Variants in RUNX2 observed in about 807,000 individuals in gnomAD.
The protein encoded by RUNX2 is RUNX family transcription factor 2.
In RUNX2, 10 loss-of-function variants were observed where a neutral mutation model predicts 51.7. The ratio of observed to expected loss-of-function variants is 0.19; its 90% CI spans 0.12 to 0.33. The LOEUF (loss-of-function observed/expected upper bound fraction) is 0.33, where lower values mean the gene tolerates loss of function less well. RUNX2 is among the 10% of genes least tolerant of loss of function. The pLI is 1.00. For synonymous variants in RUNX2, 276 were observed against 273.6 expected, an observed-to-expected ratio of 1.01 and a Z score of -0.09; for missense variants, 562 against 691.3, an observed-to-expected ratio of 0.81 and a Z score of 2.10.
In RUNX2 at chr6:45,404,843, G is replaced by A. The variant is rs140701642; in HGVS notation, c.59-17750G>A. On this transcript the variant is annotated intron_variant, in intron 2 of 8. Coordinates refer to ENST00000647337, the MANE Select transcript of RUNX2 (RefSeq NM_001024630.4). ...TGGAAAGGCAGTGATATAGCCATAC[G>A]GTCAGATAGGCTATGAGTTATAACT... Among the ~76,000 whole-genome samples the A allele has an allele frequency of 4.4e-4, 67 of 152,334 alleles. 1 individual carries two copies. Among genetic ancestry groups the A allele is most frequent in the Admixed American group, 1.3e-4 (2 of 15,306 alleles).
At chr6:45,507,495 C>A (rs1362194355) in intron 6 of RUNX2, among the ~76,000 whole-genome samples, 1 of 152,024 alleles carries the variant, frequency 6.6e-6, no homozygotes, top group East Asian at 1.9e-4. Flanking sequence ...CTACTATAAG[C>A]ACTAATAATT....
At chr6:45,452,049 G>T (rs2150380585) in intron 5 of RUNX2, among the ~76,000 whole-genome samples, 1 of 152,296 alleles carries the variant, frequency 6.6e-6, no homozygotes, top group South Asian at 2.1e-4. Flanking sequence ...AATCAGAATA[G>T]GTGCATTATT....
At chr6:45,450,852 A>G (rs1416311174) in intron 5 of RUNX2, among the ~76,000 whole-genome samples, 15 of 152,216 alleles carry the variant, frequency 9.9e-5, no homozygotes, top group Admixed American at 9.2e-4. Flanking sequence ...CAAAAAAAGT[A>G]GACTGGACTC....
At chr6:45,370,651 G>A (rs1251699005) in intron 2 of RUNX2, among the ~76,000 whole-genome samples, 1 of 151,634 alleles carries the variant, frequency 6.6e-6, no homozygotes, top group Non-Finnish European at 1.5e-5. Context: ...CCATATAATG[G>A]GCACTAAAAA....
intron 3 of RUNX2, 67 bp downstream of exon 3, chr6:45,423,024 GC>G: frequency 6.3e-7 from 1 of 1,575,128 alleles, no homozygotes. Flanking sequence ...GTGTCTTCCT[GC>G]CCACGGGGCT....
rs1002797721 is a variant in RUNX2 at position 45,549,479 on chromosome 6, G to C, written c.*2174G>C. On this transcript the variant is annotated 3_prime_UTR_variant, in exon 9 of 9. Transcript: ENST00000647337. Reference sequence around the variant, plus strand: ...CTTCTAAAGGCCGTATACCAAGTATGCTTAGATAAATAAGCCACTTTTCTA... The same window carrying C: ...CTTCTAAAGGCCGTATACCAAGTATCCTTAGATAAATAAGCCACTTTTCTA... 2.5e-6 allele frequency: 1 copy of C among 397,782 alleles called. No individual in the cohort carries two copies. The highest frequency in any genetic ancestry group is 2.1e-5 in the African/African-American group (1 of 48,636). 24.6% of individuals were successfully genotyped at this position (397,782 alleles called of 1,614,324 possible).
At chr6:45,462,063 GATAA>G (rs1799493255) in intron 5 of RUNX2, among the ~76,000 whole-genome samples, 1 of 152,112 alleles carries the variant, frequency 6.6e-6, no homozygotes, top group Admixed American at 6.5e-5. Context: ...AAGACATTCA[GATAA>G]ATAAAGCAAA....
intron 5 of RUNX2, among the ~76,000 whole-genome samples, chr6:45,449,857 A>G (rs1397917492): frequency 6.6e-6 from 1 of 152,146 alleles, no homozygotes; most frequent in Non-Finnish European, 1.5e-5. Flanking sequence ...TTAGTACTTA[A>G]AAAAAATTAA....
intron 2 of RUNX2, among the ~76,000 whole-genome samples, chr6:45,367,879 T>G (rs1795414566): frequency 6.6e-6 from 1 of 152,188 alleles, no homozygotes; most frequent in Non-Finnish European, 1.5e-5. Context: ...ACATTTTTCT[T>G]GACATGATGA....
chr6:45,467,211 C>A (rs1486466280), intron 5 of RUNX2, among the ~76,000 whole-genome samples: 1 of 152,212 alleles, frequency 6.6e-6, no homozygotes, highest in African/African-American at 2.4e-5. Flanking sequence ...TCTTCCATAT[C>A]ATATTCTAAT....
At chr6:45,337,857 T>C (rs185827092) in intron 2 of RUNX2, among the ~76,000 whole-genome samples, 2,663 of 152,100 alleles carry the variant, frequency 0.018, 50 homozygotes, top group South Asian at 0.085. Flanking sequence ...CTACTGTAAG[T>C]AGAAATAAGA....
At chr6:45,378,092 G>A (rs1385949487) in intron 2 of RUNX2, 1 of 152,168 alleles carries the variant, frequency 6.6e-6, no homozygotes, top group African/African-American at 2.4e-5. Context: ...CAGCCCGAGC[G>A]AGCTACTTCC....
chr6:45,428,972 A>C (rs1798462350), intron 3 of RUNX2, among the ~76,000 whole-genome samples: 1 of 151,974 alleles, frequency 6.6e-6, no homozygotes, highest in Admixed American at 6.6e-5. Context: ...TGAACCCTTT[A>C]AGAATGCTTA....
chr6:45,389,189 GT>G (rs1003031813), intron 2 of RUNX2, among the ~76,000 whole-genome samples: 1 of 152,206 alleles, frequency 6.6e-6, no homozygotes, highest in African/African-American at 2.4e-5. Flanking sequence ...TAGTTCAATA[GT>G]TTCTCTTCAA....
chr6:45,397,484 A>G (rs1797609511), intron 2 of RUNX2, among the ~76,000 whole-genome samples: 1 of 152,112 alleles, frequency 6.6e-6, no homozygotes, highest in Admixed American at 6.6e-5. Context: ...TACCATTCTC[A>G]CCAATAATAT....
At chr6:45,374,240 C>T (rs1223394528) in intron 2 of RUNX2, among the ~76,000 whole-genome samples, 5 of 152,274 alleles carry the variant, frequency 3.3e-5, no homozygotes, top group Middle Eastern at 3.4e-3. Context: ...GCTCTGTTCA[C>T]CAACCCACAT....
chr6:45,393,567 C>T (rs148241428), intron 2 of RUNX2, among the ~76,000 whole-genome samples: 4,488 of 151,960 alleles, frequency 0.03, 90 homozygotes, highest in Non-Finnish European at 0.044. Context: ...ATAGCTGGGA[C>T]TGCAGGCGCC....
intron 2 of RUNX2, among the ~76,000 whole-genome samples, chr6:45,351,217 A>G (rs1791964509): frequency 6.6e-6 from 1 of 152,146 alleles, no homozygotes; most frequent in African/African-American, 2.4e-5. Flanking sequence ...TATGCTCTAA[A>G]TTAGTGAAAA....
chr6:45,435,321 C>T (rs954080623), intron 4 of RUNX2, among the ~76,000 whole-genome samples: 1 of 152,188 alleles, frequency 6.6e-6, no homozygotes, highest in East Asian at 1.9e-4. Flanking sequence ...GAACTGTTAC[C>T]AAAACTGGTT....
Sources: gnomAD v4.1 joint callset for allele counts (sites outside exome capture counted in the v4.1 genomes callset) on GRCh38, gnomAD v4.1.1 for gene constraint, MANE v1.5 for transcripts, NCBI Gene and HGNC (gene_info 2026-07-23, HGNC 2026-07-21) for gene names.